BACH2: variants seen among roughly 807,000 people sequenced by gnomAD.
The protein encoded by BACH2 is transcription regulator protein BACH2.
In BACH2, 5 loss-of-function variants were observed where a neutral mutation model predicts 61.8. The ratio of observed to expected loss-of-function variants is 0.08; its 90% CI spans 0.04 to 0.17. The LOEUF (loss-of-function observed/expected upper bound fraction) is 0.17, where lower values mean the gene tolerates loss of function less well. BACH2 is among the 10% of genes least tolerant of loss of function. The pLI, the probability that BACH2 is intolerant of heterozygous loss-of-function variation, is 1.00. For missense variants in BACH2, 824 were observed against 1,091.1 expected, an observed-to-expected ratio of 0.76 and a Z score of 3.45; for synonymous variants, 446 against 440.1, an observed-to-expected ratio of 1.01 and a Z score of -0.17.
intron 6 of BACH2, among the ~76,000 whole-genome samples, chr6:90,002,054 T>C (rs1011815399): frequency 3.9e-5 from 6 of 152,214 alleles, no homozygotes; most frequent in African/African-American, 7.2e-5. Flanking sequence ...GGCCTCCAAA[T>C]TGCCGGATGG....
chr6:90,214,306 A>C (rs1022257830), intron 3 of BACH2, among the ~76,000 whole-genome samples: 3 of 151,892 alleles, frequency 2.0e-5, no homozygotes, highest in Non-Finnish European at 4.4e-5. Context: ...TTATGCTGAA[A>C]GAATCCCAGA....
At chr6:89,965,403 T>G (rs1238716109) in intron 6 of BACH2, among the ~76,000 whole-genome samples, 1 of 152,248 alleles carries the variant, frequency 6.6e-6, no homozygotes. Context: ...AGACTGTAAC[T>G]TCTTGATTTA....
chr6:90,127,152 C>T (rs1783884175), intron 4 of BACH2, among the ~76,000 whole-genome samples: 1 of 152,184 alleles, frequency 6.6e-6, no homozygotes, highest in South Asian at 2.1e-4. Flanking sequence ...TACGTTGTTG[C>T]ATAAAAAAAA....
At chr6:90,190,892 C>A (rs1177060515) in intron 4 of BACH2, among the ~76,000 whole-genome samples, 1 of 152,206 alleles carries the variant, frequency 6.6e-6, no homozygotes, top group Admixed American at 6.5e-5. Context: ...GGGGATGTGG[C>A]TTGGCCATAA....
chr6:90,114,345 T>C (rs1450747676), intron 4 of BACH2, among the ~76,000 whole-genome samples: 3 of 152,178 alleles, frequency 2.0e-5, no homozygotes, highest in Non-Finnish European at 4.4e-5. Flanking sequence ...ATCCCTCGGA[T>C]GCAGGGTTGG....
At chr6:90,159,442 C>A (rs1785112510) in intron 4 of BACH2, among the ~76,000 whole-genome samples, 9 of 152,126 alleles carry the variant, frequency 5.9e-5, no homozygotes, top group Admixed American at 5.2e-4. Context: ...CAACTAAAGG[C>A]AAAGGAAAAC....
intron 4 of BACH2, among the ~76,000 whole-genome samples, chr6:90,177,371 C>T (rs769966441): frequency 2.0e-5 from 3 of 152,152 alleles, no homozygotes; most frequent in Admixed American, 6.5e-5. Context: ...GAGCACCTAC[C>T]GTACAGCAGA....
At chr6:90,120,146 A>T (rs916111601) in intron 4 of BACH2, among the ~76,000 whole-genome samples, 1 of 147,550 alleles carries the variant, frequency 6.8e-6, no homozygotes, top group Non-Finnish European at 1.5e-5. Context: ...ACATATCACA[A>T]AGCTTATTCA....
intron 3 of BACH2, among the ~76,000 whole-genome samples, chr6:90,237,265 G>C (rs1351915766): frequency 1.3e-5 from 2 of 152,176 alleles, no homozygotes; most frequent in Non-Finnish European, 2.9e-5. Context: ...TGAAAGTACA[G>C]AGGAAGGGCC....
At chr6:90,287,434 T>C (rs1772054949) in intron 1 of BACH2, among the ~76,000 whole-genome samples, 1 of 152,176 alleles carries the variant, frequency 6.6e-6, no homozygotes, top group Non-Finnish European at 1.5e-5. Flanking sequence ...TTCAGGTTCA[T>C]TGCTACTGAA....
chr6:90,049,706 G>A (rs748336205), intron 5 of BACH2, among the ~76,000 whole-genome samples: 21 of 152,064 alleles, frequency 1.4e-4, no homozygotes, highest in East Asian at 5.8e-4. Context: ...ACTTATAAAG[G>A]GACTTGATCA....
intron 6 of BACH2, among the ~76,000 whole-genome samples, chr6:89,975,027 C>G (rs915679037): frequency 2.0e-5 from 3 of 152,114 alleles, no homozygotes; most frequent in Admixed American, 2.0e-4. Flanking sequence ...ATAGAGTACA[C>G]TCACAGCTGT....
chr6:90,288,414 T>C (rs1772084398), intron 1 of BACH2, among the ~76,000 whole-genome samples: 1 of 152,136 alleles, frequency 6.6e-6, no homozygotes, highest in Non-Finnish European at 1.5e-5. Flanking sequence ...ATAAGCACAG[T>C]ACTATACATT....
intron 5 of BACH2, among the ~76,000 whole-genome samples, chr6:90,046,989 T>C (rs980614168): frequency 6.6e-6 from 1 of 152,238 alleles, no homozygotes. Flanking sequence ...TGGAGTGCAA[T>C]GGCATGATCT....
chr6:90,004,647 A>G (rs900369772), intron 6 of BACH2, among the ~76,000 whole-genome samples: 1 of 152,210 alleles, frequency 6.6e-6, no homozygotes, highest in Non-Finnish European at 1.5e-5. Flanking sequence ...TTGACACGCC[A>G]TAAGACTGAA....
chr6:90,232,902 A>G (rs1332373770), intron 3 of BACH2, among the ~76,000 whole-genome samples: 1 of 152,044 alleles, frequency 6.6e-6, no homozygotes, highest in Non-Finnish European at 1.5e-5. Flanking sequence ...TGTCTGCTTT[A>G]GTGGGGAGTA....
At chr6:90,222,635 G>T (rs1769772183) in intron 3 of BACH2, among the ~76,000 whole-genome samples, 1 of 152,166 alleles carries the variant, frequency 6.6e-6, no homozygotes, top group African/African-American at 2.4e-5. Flanking sequence ...ACTTATGTAG[G>T]ATATAGTAAA....
chr6:90,001,653 T>C (rs553837773), intron 6 of BACH2: 5 of 152,372 alleles, frequency 3.3e-5, no homozygotes, highest in Non-Finnish European at 5.9e-5. Flanking sequence ...CTAGAGTCCT[T>C]TGACACCAGC....
intron 6 of BACH2, among the ~76,000 whole-genome samples, chr6:89,985,991 C>G (rs1196864384): frequency 1.3e-5 from 2 of 152,196 alleles, no homozygotes; most frequent in Admixed American, 6.5e-5. Flanking sequence ...CTGCTGCCCA[C>G]GTGCTCCCTG....
Sources: gnomAD v4.1 joint callset for allele counts (sites outside exome capture counted in the v4.1 genomes callset) on GRCh38, gnomAD v4.1.1 for gene constraint, MANE v1.5 for transcripts, NCBI Gene and HGNC (gene_info 2026-07-23, HGNC 2026-07-21) for gene names.